Variants in SOX6 observed in about 807,000 individuals in gnomAD.
SOX6 encodes the protein transcription factor SOX-6.
A neutral mutation model predicts 97.8 loss-of-function variants in SOX6; 11 were observed. The ratio of observed to expected loss-of-function variants is 0.11; its 90% CI spans 0.07 to 0.19. SOX6 has a LOEUF of 0.19. Ranked by LOEUF, SOX6 falls within the 10% of genes least tolerant of loss-of-function variation. The pLI is 1.00. For missense variants in SOX6, 810 were observed against 1,039.5 expected, an observed-to-expected ratio of 0.78 and a Z score of 3.04; for synonymous variants, 360 against 371.4, an observed-to-expected ratio of 0.97 and a Z score of 0.35.
intron 9 of SOX6, among the ~76,000 whole-genome samples, chr11:16,076,936 G>A (rs1307732562): frequency 1.3e-5 from 2 of 151,170 alleles, no homozygotes; most frequent in East Asian, 3.9e-4. Context: ...TGTATTTTTA[G>A]TAGAGACGGG....
intron 2 of SOX6, among the ~76,000 whole-genome samples, chr11:16,340,760 C>T (rs1003905294): frequency 6.6e-6 from 1 of 151,892 alleles, no homozygotes; most frequent in East Asian, 1.9e-4. Flanking sequence ...GATAACCAAT[C>T]CCCCCACAAA....
intron 12 of SOX6, among the ~76,000 whole-genome samples, chr11:16,030,806 T>C (rs187453613): frequency 6.6e-6 from 1 of 152,224 alleles, no homozygotes; most frequent in Admixed American, 6.5e-5. Context: ...ACAAAGATGA[T>C]AAACAAAAAG....
chr11:16,187,753 G>T (rs1851520995), intron 4 of SOX6, among the ~76,000 whole-genome samples: 1 of 152,146 alleles, frequency 6.6e-6, no homozygotes, highest in Non-Finnish European at 1.5e-5. Context: ...TAATGGTGCT[G>T]AACAGTCTTT....
intron 1 of SOX6, among the ~76,000 whole-genome samples, chr11:16,458,985 G>A (rs1489536857): frequency 2.0e-5 from 3 of 152,012 alleles, no homozygotes; most frequent in Non-Finnish European, 2.9e-5. Flanking sequence ...TGCATATAGA[G>A]TTCCAGAGAT....
intron 4 of SOX6, among the ~76,000 whole-genome samples, chr11:16,482,008 G>A (rs752367197): frequency 6.6e-6 from 1 of 152,090 alleles, no homozygotes; most frequent in Non-Finnish European, 1.5e-5. Context: ...TCTCTCAAAT[G>A]TCTGGTTTAG....
intron 13 of SOX6, among the ~76,000 whole-genome samples, chr11:15,997,610 G>T (rs1467436507): frequency 5.3e-5 from 8 of 152,078 alleles, no homozygotes; most frequent in African/African-American, 1.9e-4. Context: ...TCAGAAAATG[G>T]TTTTAACAAC....
At chr11:16,360,095 A>AGCTGCTTT (rs1341765505), upstream of SOX6, among the ~76,000 whole-genome samples, 2 of 152,198 alleles carry the variant, frequency 1.3e-5, no homozygotes, top group African/African-American at 2.4e-5. Flanking sequence ...AAACTATCCT[A>AGCTGCTTT]GCTGCTTTGC....
intron 2 of SOX6, among the ~76,000 whole-genome samples, chr11:16,731,665 A>G (rs1440337114): frequency 6.6e-6 from 1 of 152,206 alleles, no homozygotes. Context: ...AACCGGAAGC[A>G]TTTCCTTTGA....
chr11:16,320,248 C>T (rs887426952), intron 2 of SOX6, among the ~76,000 whole-genome samples: 1 of 152,042 alleles, frequency 6.6e-6, no homozygotes, highest in African/African-American at 2.4e-5. Flanking sequence ...TCCTGAAAAT[C>T]CTAATTGCTC....
intron 3 of SOX6, among the ~76,000 whole-genome samples, chr11:16,627,297 T>A (rs1241659590): frequency 1.3e-5 from 2 of 152,252 alleles, no homozygotes; most frequent in Non-Finnish European, 2.9e-5. Context: ...AGTGCTTGTG[T>A]CTTTTTGGTA....
At chr11:16,449,596 CTTCT>C (rs1859682343) in intron 1 of SOX6, among the ~76,000 whole-genome samples, 1 of 152,054 alleles carries the variant, frequency 6.6e-6, no homozygotes, top group Non-Finnish European at 1.5e-5. Flanking sequence ...CCGGCCGCCC[CTTCT>C]TTATTTTTAA....
chr11:16,666,892 G>C (rs886998643), intron 3 of SOX6, among the ~76,000 whole-genome samples: 2 of 151,988 alleles, frequency 1.3e-5, no homozygotes, highest in Non-Finnish European at 2.9e-5. Flanking sequence ...GCAAATCTAA[G>C]AAATATTGGC....
At position 15,967,479 on chromosome 11, in the gene SOX6, G is replaced by A. The variant is rs1853171289; in HGVS notation, c.*5330C>T. The A allele has an allele frequency of 6.6e-6, 1 of 152,196 alleles. No individual in the cohort carries two copies. 9.4% of individuals were successfully genotyped at this position (152,196 alleles called of 1,614,324 possible). ...CGTCGGGGGAAATAAAAGAGTTACA[G>A]TAAGATAAGTTATGTAGTAACAGCT... is the stretch of plus-strand genomic sequence containing the variant. On this transcript the variant is annotated 3_prime_UTR_variant, in exon 16 of 16. Coordinates refer to ENST00000683767, the MANE Select transcript of SOX6 (RefSeq NM_001367873.1).
At chr11:16,528,699 C>G (rs1220087841) in intron 4 of SOX6, among the ~76,000 whole-genome samples, 1 of 151,962 alleles carries the variant, frequency 6.6e-6, no homozygotes, top group Non-Finnish European at 1.5e-5. Flanking sequence ...ATGAGCACAA[C>G]AATGAGAAGA....
chr11:16,224,716 G>T (rs1342246992), intron 4 of SOX6, among the ~76,000 whole-genome samples: 1 of 151,996 alleles, frequency 6.6e-6, no homozygotes, highest in Non-Finnish European at 1.5e-5. Flanking sequence ...GCTGCTGTAT[G>T]CATTTGTTGT....
At chr11:15,990,334 G>A (rs953941385) in intron 13 of SOX6, among the ~76,000 whole-genome samples, 6 of 151,548 alleles carry the variant, frequency 4.0e-5, no homozygotes, top group Non-Finnish European at 8.8e-5. Flanking sequence ...TATTTCAAGC[G>A]TCCTGTTCTA....
chr11:16,096,154 C>T (rs770534100), intron 8 of SOX6, 36 bp from the exon 9 acceptor site: 6 of 1,551,682 alleles, frequency 3.9e-6, no homozygotes, highest in Non-Finnish European at 5.3e-6. Flanking sequence ...AAAAAAAAGA[C>T]AAAACATACT....
chr11:16,095,844 G>T, intron 9 of SOX6, 152 bp downstream of exon 9: 1 of 891,696 alleles, frequency 1.1e-6, no homozygotes, highest in Non-Finnish European at 1.7e-6. Flanking sequence ...AGGGGCAAAA[G>T]AAGAGCCTCC....
intron 6 of SOX6, among the ~76,000 whole-genome samples, chr11:16,163,092 A>G (rs1462374883): frequency 6.6e-6 from 1 of 152,172 alleles, no homozygotes; most frequent in Non-Finnish European, 1.5e-5. Context: ...AAAGGATCAG[A>G]TAAGAGTATG....
Sources: gnomAD v4.1 joint callset for allele counts (sites outside exome capture counted in the v4.1 genomes callset) on GRCh38, gnomAD v4.1.1 for gene constraint, MANE v1.5 for transcripts, NCBI Gene and HGNC (gene_info 2026-07-23, HGNC 2026-07-21) for gene names.